Variants in ZBBX observed in about 807,000 individuals in gnomAD.
ZBBX encodes the protein zinc finger B-box domain containing, also known as zinc finger B-box domain-containing protein 1.
ZBBX carries 101 observed loss-of-function variants against 108.5 expected under a neutral mutation model. The ratio of observed to expected loss-of-function variants is 0.93; its 90% CI spans 0.79 to 1.10. The LOEUF (loss-of-function observed/expected upper bound fraction) is 1.10, where lower values mean the gene tolerates loss of function less well. ZBBX is among the 50% of genes least tolerant of loss of function. The probability of loss-of-function intolerance (pLI) is 0.00; values close to 1 mark genes in which losing one functional copy is unlikely to be tolerated. For synonymous variants in ZBBX, 356 were observed against 323.4 expected (o/e 1.10, Z -1.08); for missense variants, 1,009 against 941.4 (o/e 1.07, Z -0.94).
At chr3:167,234,655 T>C in the ZBBX span, among the ~76,000 whole-genome samples, 9 of 151,920 alleles carry the variant, frequency 5.9e-5, no homozygotes, top group South Asian at 1.9e-3. Context: ...AAAATTCTTG[T>C]ATACTGGAAA....
intron 3 of ZBBX, 115 bp downstream of exon 3, chr3:167,373,591 T>C (rs1271494569): frequency 2.0e-5 from 3 of 152,228 alleles, no homozygotes; most frequent in Non-Finnish European, 2.9e-5. Context: ...GATAACATAA[T>C]CAATGAATAT....
chr3:167,183,920 C>A, the ZBBX span, among the ~76,000 whole-genome samples: 1 of 152,136 alleles, frequency 6.6e-6, no homozygotes, highest in Non-Finnish European at 1.5e-5. Flanking sequence ...AAGGAAAAGT[C>A]TGAGGAATCA....
At chr3:167,332,241 G>A (rs972999078) in intron 10 of ZBBX, among the ~76,000 whole-genome samples, 9 of 151,412 alleles carry the variant, frequency 5.9e-5, no homozygotes, top group South Asian at 2.1e-4. Flanking sequence ...CTCCCAACAA[G>A]AACACTCACC....
chr3:167,316,571 C>T (rs945457326), intron 14 of ZBBX, among the ~76,000 whole-genome samples: 2 of 151,990 alleles, frequency 1.3e-5, no homozygotes, highest in Non-Finnish European at 2.9e-5. Flanking sequence ...TTAAGTCTTA[C>T]ACACTATTTC....
intron 20 of ZBBX, among the ~76,000 whole-genome samples, chr3:167,276,655 G>C (rs1727648154): frequency 6.6e-6 from 1 of 152,212 alleles, no homozygotes; most frequent in African/African-American, 2.4e-5. Context: ...ACGGAACCAA[G>C]TTGGAAAACA....
intron 9 of ZBBX, among the ~76,000 whole-genome samples, chr3:167,349,058 GC>G (rs1216951137): frequency 6.6e-6 from 1 of 152,004 alleles, no homozygotes; most frequent in Non-Finnish European, 1.5e-5. Context: ...GGGAGAGAGA[GC>G]AAGAAGAAGA....
chr3:167,260,619 G>A (rs181577905), intron 20 of ZBBX, among the ~76,000 whole-genome samples: 63 of 152,218 alleles, frequency 4.1e-4, no homozygotes, highest in African/African-American at 1.1e-3. Flanking sequence ...CAACTCTATT[G>A]CTGAGATTTT....
chr3:167,308,112 T>C (rs1039803869), intron 16 of ZBBX, among the ~76,000 whole-genome samples: 2 of 152,112 alleles, frequency 1.3e-5, no homozygotes, highest in Non-Finnish European at 2.9e-5. Context: ...TAAAGAAATT[T>C]GCAAGAAAAA....
the ZBBX span, among the ~76,000 whole-genome samples, chr3:167,201,666 T>C: frequency 6.6e-6 from 1 of 152,094 alleles, no homozygotes; most frequent in Non-Finnish European, 1.5e-5. Flanking sequence ...CTAGAAATAA[T>C]AGTTCAAATA....
chr3:167,194,844 A>G, the ZBBX span, among the ~76,000 whole-genome samples: 2 of 152,160 alleles, frequency 1.3e-5, no homozygotes, highest in Admixed American at 6.6e-5. Flanking sequence ...AAGCTAATGA[A>G]GCTCAAGCTT....
Position 167,327,970 on chromosome 3 carries a change from CTTG to C in ZBBX, c.831_833del (p.Asn277del), listed in dbSNP as rs1737715073. 4.4e-6 allele frequency: 6 copies of C among 1,366,684 alleles called. No homozygotes were observed. Among genetic ancestry groups the C allele is most frequent in the East Asian group, 3.1e-5 (1 of 32,664 alleles). 84.7% of individuals were successfully genotyped at this position (1,366,684 alleles called of 1,614,324 possible). A position where few individuals can be genotyped will look rare whatever the true frequency, so the allele number is the denominator to read the frequency against. On this transcript the variant is annotated inframe_deletion, in exon 11 of 22. Coordinates refer to ENST00000675490, the MANE Select transcript of ZBBX (RefSeq NM_001199201.2). Reference sequence around the variant, plus strand: ...TTACTGCTGCATGTAAATTCTGTTTCTTGTTGTCATCATGATTTCCGGTTCTCC... The same window carrying C: ...TTACTGCTGCATGTAAATTCTGTTTCTTGTCATCATGATTTCCGGTTCTCC...
At chr3:167,216,957 G>A in the ZBBX span, among the ~76,000 whole-genome samples, 1 of 151,962 alleles carries the variant, frequency 6.6e-6, no homozygotes, top group Non-Finnish European at 1.5e-5. Context: ...TTTATATCAT[G>A]TACAAAACTC....
chr3:167,349,659 TA>T (rs1318215248), intron 9 of ZBBX, among the ~76,000 whole-genome samples: 2 of 152,072 alleles, frequency 1.3e-5, no homozygotes, highest in Non-Finnish European at 2.9e-5. Flanking sequence ...CAGATAATAT[TA>T]AAACCCTTAA....
At chr3:167,403,901 AAAG>A (rs1199651746) in intron 1 of ZBBX, among the ~76,000 whole-genome samples, 3 of 152,144 alleles carry the variant, frequency 2.0e-5, no homozygotes, top group African/African-American at 4.8e-5. Flanking sequence ...CAAGGAAACA[AAAG>A]AAGAACAAAA....
chr3:167,292,134 T>C (rs1278264748), intron 18 of ZBBX, among the ~76,000 whole-genome samples: 3 of 152,080 alleles, frequency 2.0e-5, no homozygotes, highest in Non-Finnish European at 4.4e-5. Flanking sequence ...CTATCAATAT[T>C]AGACAGATCA....
chr3:167,353,643 A>G (rs1377135455), intron 8 of ZBBX, among the ~76,000 whole-genome samples: 1 of 152,024 alleles, frequency 6.6e-6, no homozygotes, highest in Non-Finnish European at 1.5e-5. Flanking sequence ...TACCAACTAA[A>G]TCTATAAAAA....
chr3:167,337,197 G>C (rs1319719425), intron 9 of ZBBX, among the ~76,000 whole-genome samples: 1 of 152,110 alleles, frequency 6.6e-6, no homozygotes, highest in Non-Finnish European at 1.5e-5. Context: ...TATAACTATA[G>C]TTTAATTATA....
At chr3:167,212,189 A>T in the ZBBX span, among the ~76,000 whole-genome samples, 1 of 152,104 alleles carries the variant, frequency 6.6e-6, no homozygotes, top group Admixed American at 6.5e-5. Flanking sequence ...AGTTCTGGAA[A>T]ATCCGATGTG....
the ZBBX span, among the ~76,000 whole-genome samples, chr3:167,192,455 C>A: frequency 6.6e-6 from 1 of 151,930 alleles, no homozygotes; most frequent in Non-Finnish European, 1.5e-5. Context: ...TCATTCTAAT[C>A]CCTCCTGGCC....
Sources: allele counts gnomAD v4.1 joint callset (sites outside exome capture counted in the v4.1 genomes callset), GRCh38; gene constraint gnomAD v4.1.1; transcripts MANE v1.5; gene names NCBI Gene and HGNC (gene_info 2026-07-23, HGNC 2026-07-21).